MCM4: variants seen among roughly 807,000 people sequenced by gnomAD.
The protein encoded by MCM4 is minichromosome maintenance complex component 4, also known as DNA replication licensing factor MCM4.
Under a neutral mutation model 88.7 loss-of-function variants are expected in MCM4, and 60 were observed. That is an observed-to-expected ratio of 0.68 (90% CI 0.55 to 0.84). MCM4 has a LOEUF of 0.84. Ranked by LOEUF, MCM4 falls within the 40% of genes least tolerant of loss-of-function variation. MCM4 has a pLI of 0.00. For missense variants in MCM4, 1,149 were observed against 1,105.5 expected, an observed-to-expected ratio of 1.04 and a Z score of -0.56; for synonymous variants, 465 against 410.5, an observed-to-expected ratio of 1.13 and a Z score of -1.61.
At chr8:47,970,485 G>A (rs1466967111) in intron 11 of MCM4, 26 bp from the exon 12 acceptor site, 1 of 1,573,026 alleles carries the variant, frequency 6.4e-7, no homozygotes, top group Admixed American at 1.8e-5. Flanking sequence ...GAAAATGAAT[G>A]TTTAGACATG....
At chr8:47,976,404 G>T (rs1312615286) in intron 16 of MCM4, among the ~76,000 whole-genome samples, 2 of 152,106 alleles carry the variant, frequency 1.3e-5, no homozygotes, top group Admixed American at 1.3e-4. Flanking sequence ...TAGTTGTTTA[G>T]TGAAAAGAAC....
intron 10 of MCM4, among the ~76,000 whole-genome samples, chr8:47,968,278 A>C (rs1200315350): frequency 1.3e-5 from 2 of 152,182 alleles, no homozygotes; most frequent in East Asian, 1.9e-4. Flanking sequence ...TCTTGTCTTC[A>C]GTGAGGCAGT....
At chr8:47,961,066 G>T in intron 1 of MCM4, 52 bp downstream of exon 1, 1 of 1,431,356 alleles carries the variant, frequency 7.0e-7, no homozygotes, top group Non-Finnish European at 9.2e-7. Flanking sequence ...GGGAACGTCC[G>T]CGCTGCGGAG....
Position 47,970,563 on chromosome 8 carries a change from G to C in MCM4, c.1487G>C (p.Gly496Ala), listed in dbSNP as rs1229313128. The C allele has an allele frequency of 3.1e-6, 5 of 1,613,712 alleles. No homozygotes were observed. The highest frequency in any genetic ancestry group is 4.2e-6 in the Non-Finnish European group (5 of 1,179,684). Reference sequence around the variant, plus strand: ...ACAAGGAAGGATTTTAGTCACACTGGAAGGGGCAAATTTCGGGCTGAGATC... The same window carrying C: ...ACAAGGAAGGATTTTAGTCACACTGCAAGGGGCAAATTTCGGGCTGAGATC... ...GGTRKDFSHT[G>A]RGKFRAEINI... The change falls in exon 12 of 17, where the codon GGA becomes GCA. Residue 496 changes from glycine (G) to alanine (A), a missense_variant. Gly to Ala is a moderately conservative substitution (Grantham distance 60). Transcript: ENST00000649973.
chr8:47,961,309 G>A (rs1374554548), intron 2 of MCM4, 95 bp downstream of exon 2: 5 of 1,428,892 alleles, frequency 3.5e-6, no homozygotes, highest in African/African-American at 3.0e-5. Context: ...CGCGGGACCC[G>A]GGCGCTCAGC....
chr8:47,966,070 C>T (rs1563832312), intron 8 of MCM4, 117 bp from the exon 9 acceptor site: 4 of 755,616 alleles, frequency 5.3e-6, no homozygotes. Context: ...GATGACTGGA[C>T]ACAGAAAGGT....
In MCM4 at chr8:47,976,698, G is replaced by T. The variant is rs769482315; in HGVS notation, c.2512G>T (p.Asp838Tyr). 4.3e-6 allele frequency: 7 copies of T among 1,612,634 alleles called. No homozygotes were observed. The South Asian group carries it at 5.5e-5, about 13-fold the overall frequency. The change falls in exon 17 of 17, where the codon GAT becomes TAT. Residue 838 changes from aspartate (D) to tyrosine (Y), a missense_variant. Transcript: ENST00000649973. ...CTCTTCCCCACAGGCAATTACTAAA[G>T]ATATGTTTGAAGAAGCACTGCGTGC... ...RGQSDIAITK[D>Y]MFEEALRALA...
rs777710375 is a variant in MCM4 at position 47,974,935 on chromosome 8, A to C, written c.2338A>C (p.Ile780Leu). 1.7e-5 allele frequency: 27 copies of C among 1,614,046 alleles called. No homozygotes were observed. The highest frequency in any genetic ancestry group is 2.2e-5 in the Non-Finnish European group (26 of 1,179,974). Residue 780 changes from isoleucine to leucine, a missense_variant, in exon 15 of 17, where the codon ATC becomes CTC. This residue lies in a region of MCM4 where 238 missense variants were observed against 241.6 expected (regional missense o/e 0.99). Coordinates refer to ENST00000649973, the MANE Select transcript of MCM4 (RefSeq NM_182746.3). ...GTCTGCAACTGATCCCCGGACTGGC[A>C]TCGTGGACATATCTATTCTTACTAC... is the stretch of plus-strand genomic sequence containing the variant. ...KQSATDPRTG[I>L]VDISILTTGM...
At chr8:47,965,750 T>A (rs1410330201) in intron 8 of MCM4, among the ~76,000 whole-genome samples, 1 of 152,198 alleles carries the variant, frequency 6.6e-6, no homozygotes, top group Non-Finnish European at 1.5e-5. Context: ...CTCTACCAGG[T>A]GCTCTTACTA....
At chr8:47,970,169 C>T in intron 11 of MCM4, 112 bp downstream of exon 11, 1 of 1,278,638 alleles carries the variant, frequency 7.8e-7, no homozygotes, top group Non-Finnish European at 1.1e-6. Context: ...GAGTTGTGGC[C>T]TGTTAGAGCA....
At chr8:47,976,410 A>G (rs1415807805) in intron 16 of MCM4, among the ~76,000 whole-genome samples, 1 of 152,184 alleles carries the variant, frequency 6.6e-6, no homozygotes, top group Non-Finnish European at 1.5e-5. Flanking sequence ...TTTAGTGAAA[A>G]GAACTATGCA....
chr8:47,963,112 T>A, intron 7 of MCM4, 72 bp downstream of exon 7: 1 of 905,344 alleles, frequency 1.1e-6, no homozygotes, highest in Non-Finnish European at 1.7e-6. Flanking sequence ...TAACAGAAAT[T>A]CTTCAGTAAT....
intron 16 of MCM4, among the ~76,000 whole-genome samples, chr8:47,976,281 G>A (rs1589835418): frequency 6.9e-6 from 1 of 144,366 alleles, no homozygotes; most frequent in African/African-American, 2.6e-5. Context: ...CACCAGAGCG[G>A]AACTCCATCT....
At chr8:47,974,249 T>C (rs2090980908) in intron 14 of MCM4, 1 of 154,476 alleles carries the variant, frequency 6.5e-6, no homozygotes. Flanking sequence ...GGGTTGTTAA[T>C]GAAGAAATAA....
chr8:47,968,205 G>A (rs778468934), intron 10 of MCM4, among the ~76,000 whole-genome samples: 4 of 152,174 alleles, frequency 2.6e-5, no homozygotes, highest in African/African-American at 7.2e-5. Flanking sequence ...GCAAGGTGGC[G>A]ACGGTCGCGG....
At chr8:47,963,750 T>C (rs1227422151) in intron 7 of MCM4, among the ~76,000 whole-genome samples, 1 of 152,226 alleles carries the variant, frequency 6.6e-6, no homozygotes, top group Non-Finnish European at 1.5e-5. Flanking sequence ...ATTAATGAAG[T>C]ATCAGCTCTG....
At chr8:47,972,255 A>C (rs1257842431) in intron 13 of MCM4, among the ~76,000 whole-genome samples, 3 of 151,816 alleles carry the variant, frequency 2.0e-5, no homozygotes, top group African/African-American at 4.8e-5. Context: ...AAAAAAAAAA[A>C]AACTTTCCAT....
At chr8:47,973,171 T>C (rs901459463) in intron 14 of MCM4, 107 bp downstream of exon 14, 12 of 1,040,232 alleles carry the variant, frequency 1.2e-5, no homozygotes, top group Non-Finnish European at 1.7e-5. Flanking sequence ...AATAACATAC[T>C]GTTCTCTTCC....
Position 47,962,105 on chromosome 8 carries a change from C to T in MCM4, c.288C>T (p.Ser96=). 5 of 1,614,210 alleles carry T rather than the reference C, an allele frequency of 3.1e-6. No individual in the cohort carries two copies. The highest frequency in any genetic ancestry group is 4.2e-6 in the Non-Finnish European group (5 of 1,180,028). Residue 96 remains serine (S), a synonymous_variant, in exon 4 of 17, where the codon AGC becomes AGT. Transcript: ENST00000649973. Reference sequence around the variant, plus strand: ...CACCACTGACATACGGCACTCCCAGCTCTCGGGTAGAGGGAACCCCAAGAA... The same window carrying T: ...CACCACTGACATACGGCACTCCCAGTTCTCGGGTAGAGGGAACCCCAAGAA... The part of the protein sequence containing the change: ...VSSPLTYGTP[S]SRVEGTPRSG...
Sources: allele counts gnomAD v4.1 joint callset (sites outside exome capture counted in the v4.1 genomes callset), GRCh38; gene constraint gnomAD v4.1.1; regional missense constraint gnomAD v4.1.1; transcripts MANE v1.5; gene names NCBI Gene and HGNC (gene_info 2026-07-23, HGNC 2026-07-21).